BMPR1A: variants seen among roughly 807,000 people sequenced by gnomAD.
BMPR1A encodes bone morphogenetic protein receptor type 1A, also known as bone morphogenetic protein receptor type-1A.
In BMPR1A, 7 loss-of-function variants were observed where a neutral mutation model predicts 66.0. The observed-to-expected ratio is 0.11, with a 90% confidence interval of 0.06 to 0.20. BMPR1A has a LOEUF of 0.20. BMPR1A is among the 10% of genes least tolerant of loss of function. BMPR1A has a pLI of 1.00. For missense variants in BMPR1A, 408 were observed against 669.1 expected (o/e 0.61, Z 4.31); for synonymous variants, 200 against 229.7 (o/e 0.87, Z 1.17).
chr10:86,860,101 T>C (rs779623704), intron 2 of BMPR1A, among the ~76,000 whole-genome samples: 1 of 151,436 alleles, frequency 6.6e-6, no homozygotes, highest in Non-Finnish European at 1.5e-5. Flanking sequence ...ATTGCACCTG[T>C]GAATAGCTCC....
intron 1 of BMPR1A, among the ~76,000 whole-genome samples, chr10:86,804,905 G>A (rs1016721491): frequency 8.8e-5 from 13 of 148,136 alleles, no homozygotes; most frequent in African/African-American, 2.5e-4. Flanking sequence ...CCAAAATCAA[G>A]GGATCCAAAA....
chr10:86,818,104 T>C (rs1842062118), intron 1 of BMPR1A, among the ~76,000 whole-genome samples: 1 of 152,196 alleles, frequency 6.6e-6, no homozygotes, highest in African/African-American at 2.4e-5. Context: ...CTGCAACCTC[T>C]GCTTCCCGGG....
At chr10:86,763,238 T>A (rs1202182864) in intron 1 of BMPR1A, among the ~76,000 whole-genome samples, 4 of 152,132 alleles carry the variant, frequency 2.6e-5, no homozygotes, top group Admixed American at 2.6e-4. Context: ...TTTTTAAAAA[T>A]TTTAAAGGCA....
chr10:86,814,940 CATGCTCGGCT>C (rs1842015321), intron 1 of BMPR1A, among the ~76,000 whole-genome samples: 1 of 152,084 alleles, frequency 6.6e-6, no homozygotes, highest in Non-Finnish European at 1.5e-5. Flanking sequence ...TGCGCGCCAC[CATGCTCGGCT>C]AATTTTTGTA....
At chr10:86,774,561 A>G (rs1243546286) in intron 1 of BMPR1A, among the ~76,000 whole-genome samples, 1 of 152,208 alleles carries the variant, frequency 6.6e-6, no homozygotes, top group Non-Finnish European at 1.5e-5. Context: ...AGGAAAGAAA[A>G]AGTATGCAAA....
In BMPR1A at chr10:86,906,419, T is replaced by A. The variant is rs201562811; in HGVS notation, c.531-5821T>A. On this transcript the variant is annotated intron_variant, in intron 7 of 12. Transcript: ENST00000372037. ...TTGCAAAATTATCTACTATTTTTTT[T>A]AAAACACTTTGTCCTTTTGGCTGGG... 5.8e-5 allele frequency among the ~76,000 whole-genome samples: 8 copies of A among 138,090 alleles called. 1 individual carries two copies. The highest frequency in any genetic ancestry group is 1.2e-4 in the Non-Finnish European group (8 of 64,726). 90.6% of individuals were successfully genotyped at this position (138,090 alleles called of 152,430 possible).
intron 4 of BMPR1A, among the ~76,000 whole-genome samples, chr10:86,890,783 T>C (rs996410791): frequency 1.3e-5 from 2 of 152,154 alleles, no homozygotes; most frequent in African/African-American, 4.8e-5. Flanking sequence ...ATAAATCATA[T>C]TGTGTTAATT....
At chr10:86,820,963 ACAATTAT>A (rs1842113253) in intron 1 of BMPR1A, among the ~76,000 whole-genome samples, 1 of 152,210 alleles carries the variant, frequency 6.6e-6, no homozygotes. Flanking sequence ...TATAAAGAAG[ACAATTAT>A]CAACTGTAAT....
chr10:86,818,967 A>G (rs550052146), intron 1 of BMPR1A, among the ~76,000 whole-genome samples: 5 of 152,280 alleles, frequency 3.3e-5, no homozygotes, highest in Admixed American at 3.3e-4. Context: ...CAGTCAGTAA[A>G]TACGTTGAAT....
intron 1 of BMPR1A, among the ~76,000 whole-genome samples, chr10:86,759,787 C>T (rs920545501): frequency 1.3e-5 from 2 of 152,060 alleles, no homozygotes; most frequent in African/African-American, 2.4e-5. Context: ...CCCTATGTGA[C>T]CATTTAGGCC....
chr10:86,802,306 A>G (rs1219188316), intron 1 of BMPR1A, among the ~76,000 whole-genome samples: 1 of 152,190 alleles, frequency 6.6e-6, no homozygotes, highest in African/African-American at 2.4e-5. Flanking sequence ...CCCTGTGTAC[A>G]GTGAGTATCA....
chr10:86,774,271 A>G (rs1287318375), intron 1 of BMPR1A, among the ~76,000 whole-genome samples: 2 of 152,172 alleles, frequency 1.3e-5, no homozygotes, highest in Non-Finnish European at 2.9e-5. Flanking sequence ...TTGAATCAAT[A>G]TTTTATTAAA....
At position 86,767,203 on chromosome 10, in the gene BMPR1A, A is replaced by G. The variant is rs182219665; in HGVS notation, c.-268+10284A>G. ...AAGGTTTCTTTGCTGTTGTATGAAT[A>G]TTAAAAAACAAAAAATTTTAAGTTT... On this transcript the variant is annotated intron_variant, in intron 1 of 12. Transcript: ENST00000372037. Among the ~76,000 whole-genome samples the G allele has an allele frequency of 8.5e-5, 13 of 152,310 alleles. No homozygotes were observed. In the East Asian group the frequency reaches 2.5e-3, roughly 29 times the overall value.
At chr10:86,822,029 A>G (rs1018282647) in intron 1 of BMPR1A, among the ~76,000 whole-genome samples, 3 of 151,982 alleles carry the variant, frequency 2.0e-5, no homozygotes, top group Non-Finnish European at 2.9e-5. Context: ...CTCGAACTGC[A>G]TGTTCCCAGG....
chr10:86,836,878 A>T (rs1338386576), intron 1 of BMPR1A, among the ~76,000 whole-genome samples: 1 of 152,174 alleles, frequency 6.6e-6, no homozygotes, highest in Admixed American at 6.5e-5. Flanking sequence ...GGCTGCAGTG[A>T]GCTGTGATTG....
At chr10:86,883,549 C>CAAAAAAAA (rs71019436) in intron 3 of BMPR1A, among the ~76,000 whole-genome samples, 3 of 45,410 alleles carry the variant, frequency 6.6e-5, no homozygotes, top group Admixed American at 2.8e-4. Flanking sequence ...GACTCCGTCT[C>CAAAAAAAA]AAAAAAAAAA....
intron 9 of BMPR1A, among the ~76,000 whole-genome samples, chr10:86,917,732 T>C (rs547696144): frequency 1.3e-5 from 2 of 152,334 alleles, no homozygotes; most frequent in Middle Eastern, 6.8e-3. Flanking sequence ...ATCTCCACAT[T>C]TACACAATAG....
intron 1 of BMPR1A, among the ~76,000 whole-genome samples, chr10:86,764,958 T>A (rs1420803451): frequency 1.3e-5 from 2 of 152,222 alleles, no homozygotes; most frequent in Non-Finnish European, 2.9e-5. Context: ...GCATGGTGGC[T>A]CATGCCTGTA....
chr10:86,909,031 G>A (rs1305074597), intron 7 of BMPR1A, among the ~76,000 whole-genome samples: 1 of 152,216 alleles, frequency 6.6e-6, no homozygotes, highest in African/African-American at 2.4e-5. Context: ...GCAGGGGGAA[G>A]AGGGTGTGCA....
Sources: allele counts gnomAD v4.1 joint callset (sites outside exome capture counted in the v4.1 genomes callset), GRCh38; gene constraint gnomAD v4.1.1; transcripts MANE v1.5; gene names NCBI Gene and HGNC (gene_info 2026-07-23, HGNC 2026-07-21).